The following DCAF6 variants were observed in gnomAD, a reference collection of about 807,000 sequenced individuals.
DCAF6 encodes DDB1 and CUL4 associated factor 6.
In DCAF6, 54 loss-of-function variants were observed where a neutral mutation model predicts 125.1. That is an observed-to-expected ratio of 0.43 (90% CI 0.35 to 0.54). The LOEUF (loss-of-function observed/expected upper bound fraction) is 0.54, where lower values mean the gene tolerates loss of function less well. Ranked by LOEUF, DCAF6 falls within the 20% of genes least tolerant of loss-of-function variation. The pLI is 0.01. For synonymous variants in DCAF6, 371 were observed against 390.4 expected (o/e 0.95, Z 0.58); for missense variants, 934 against 1,161.7 (o/e 0.80, Z 2.85).
intron 10 of DCAF6, among the ~76,000 whole-genome samples, chr1:168,011,152 C>G (rs996578371): frequency 7.8e-6 from 1 of 128,540 alleles, no homozygotes; most frequent in Admixed American, 9.2e-5. Flanking sequence ...GAGTCTTGCT[C>G]TGTCACCAGG....
At chr1:167,978,599 GA>G (rs199899920) in intron 4 of DCAF6, among the ~76,000 whole-genome samples, 2 of 151,910 alleles carry the variant, frequency 1.3e-5, no homozygotes, top group African/African-American at 4.8e-5. Context: ...AGGAGTTTTT[GA>G]AAAAATATCT....
the DCAF6 span, among the ~76,000 whole-genome samples, chr1:167,865,782 G>C: frequency 6.6e-6 from 1 of 152,198 alleles, no homozygotes; most frequent in Non-Finnish European, 1.5e-5. Context: ...TTAAACAAAA[G>C]CAGTTGTTAT....
chr1:167,926,227 A>G, the DCAF6 span, among the ~76,000 whole-genome samples: 3 of 152,250 alleles, frequency 2.0e-5, no homozygotes, highest in Admixed American at 6.5e-5. Context: ...AACAGTGCTG[A>G]AACAGCTGGT....
chr1:167,865,676 A>G, the DCAF6 span, among the ~76,000 whole-genome samples: 1 of 152,264 alleles, frequency 6.6e-6, no homozygotes, highest in Non-Finnish European at 1.5e-5. Context: ...CTAGAGGATC[A>G]TAGAAGTTAA....
chr1:167,887,999 T>C, the DCAF6 span, among the ~76,000 whole-genome samples: 7 of 152,202 alleles, frequency 4.6e-5, no homozygotes, highest in Admixed American at 2.6e-4. Flanking sequence ...CATCTGCATA[T>C]GGATATCCAG....
At chr1:168,042,754 A>G (rs2101781010) in intron 13 of DCAF6, 1 of 255,578 alleles carries the variant, frequency 3.9e-6, no homozygotes, top group Non-Finnish European at 7.5e-6. Context: ...CAATAGAGAG[A>G]CATGTAGAAA....
the DCAF6 span, among the ~76,000 whole-genome samples, chr1:167,921,259 G>A: frequency 1.0e-4 from 15 of 150,430 alleles, no homozygotes; most frequent in African/African-American, 2.9e-4. Context: ...GTCTCACTCT[G>A]TCACCCAGGT....
chr1:167,918,832 G>A, the DCAF6 span, among the ~76,000 whole-genome samples: 3 of 151,840 alleles, frequency 2.0e-5, no homozygotes, highest in Admixed American at 6.6e-5. Flanking sequence ...TGACCTTGTG[G>A]TCTGCCTGCC....
chr1:168,051,626 T>C lies in DCAF6; in HGVS notation c.2300+693T>C, dbSNP rs554796551. 5.1e-4 allele frequency among the ~76,000 whole-genome samples: 77 copies of C among 152,286 alleles called. 1 individual carries two copies. The highest frequency in any genetic ancestry group is 7.2e-4 in the African/African-American group (30 of 41,554). ...CTAAAACAGTTGAACATGAAACATA[T>C]AGCAACAATCAGAAATGTAAAGTTT... On this transcript the variant is annotated intron_variant, in intron 17 of 21. Coordinates refer to ENST00000367840, the MANE Select transcript of DCAF6 (RefSeq NM_001198956.2).
chr1:167,999,419 C>T (rs1057368030), intron 7 of DCAF6, among the ~76,000 whole-genome samples: 3 of 152,156 alleles, frequency 2.0e-5, no homozygotes, highest in East Asian at 1.9e-4. Context: ...GCATGTCCTT[C>T]GAAGCTTTGA....
intron 4 of DCAF6, among the ~76,000 whole-genome samples, chr1:167,986,274 TAC>T (rs1432959478): frequency 6.6e-6 from 1 of 152,218 alleles, no homozygotes; most frequent in African/African-American, 2.4e-5. Flanking sequence ...TAGATATTGA[TAC>T]ATAGTTTTCC....
chr1:167,913,553 T>C, the DCAF6 span, among the ~76,000 whole-genome samples: 2 of 152,360 alleles, frequency 1.3e-5, no homozygotes, highest in Non-Finnish European at 2.9e-5. Flanking sequence ...ATATCCTTGA[T>C]TATCTTTTGA....
intron 5 of DCAF6, among the ~76,000 whole-genome samples, chr1:167,990,361 T>G (rs1680659705): frequency 6.6e-6 from 1 of 151,224 alleles, no homozygotes; most frequent in African/African-American, 2.4e-5. Flanking sequence ...AAGACATATC[T>G]CAAAAAGAAA....
chr1:167,878,480 G>A, the DCAF6 span: 75 of 1,614,048 alleles, frequency 4.6e-5, 2 homozygotes, highest in South Asian at 7.8e-4. Flanking sequence ...TGATACAATG[G>A]TCCAGAATCT....
chr1:168,054,914 T>C (rs1207118076), intron 17 of DCAF6, among the ~76,000 whole-genome samples: 1 of 151,854 alleles, frequency 6.6e-6, no homozygotes, highest in African/African-American at 2.4e-5. Context: ...CCTGCTGGGT[T>C]CAAGCAATTC....
chr1:168,049,833 T>A (rs1442949572), intron 16 of DCAF6, among the ~76,000 whole-genome samples: 1 of 151,208 alleles, frequency 6.6e-6, no homozygotes, highest in Non-Finnish European at 1.5e-5. Context: ...TTTTTTGTAT[T>A]TTTAGTAGAT....
Position 168,004,589 on chromosome 1 carries a change from T to A in DCAF6, c.1174T>A (p.Leu392Met), listed in dbSNP as rs755188934. 2.5e-6 allele frequency: 4 copies of A among 1,612,180 alleles called. No individual in the cohort carries two copies. The highest frequency in any genetic ancestry group is 3.4e-6 in the Non-Finnish European group (4 of 1,178,932). ...TLPTVPSSPD[L>M]EVSETAMEVD... Reference sequence around the variant, plus strand: ...TCCTACGGTCCCATCAAGTCCTGATTTGGAAGTGAGTGAAACTGCAATGGA... The same window carrying A: ...TCCTACGGTCCCATCAAGTCCTGATATGGAAGTGAGTGAAACTGCAATGGA... The change falls in exon 10 of 22, where the codon TTG becomes ATG. Residue 392 changes from leucine (L) to methionine (M), a missense_variant. This residue lies in a region of DCAF6 where 559 missense variants were observed against 635.5 expected (regional missense o/e 0.88). Transcript: ENST00000367840.
the DCAF6 span, among the ~76,000 whole-genome samples, chr1:167,914,983 A>C: frequency 6.6e-6 from 1 of 152,224 alleles, no homozygotes; most frequent in Non-Finnish European, 1.5e-5. Context: ...TATAATTAGA[A>C]TCATACCTCA....
chr1:167,878,585 C>T, the DCAF6 span: 1 of 1,614,152 alleles, frequency 6.2e-7, no homozygotes, highest in Non-Finnish European at 8.5e-7. Flanking sequence ...GTCACAATTC[C>T]TGGGTAGTAC....
Sources: allele counts gnomAD v4.1 joint callset (sites outside exome capture counted in the v4.1 genomes callset), GRCh38; gene constraint gnomAD v4.1.1; regional missense constraint gnomAD v4.1.1; transcripts MANE v1.5; gene names NCBI Gene and HGNC (gene_info 2026-07-23, HGNC 2026-07-21).